Variants in BNIP3L observed in about 807,000 individuals in gnomAD.
The protein encoded by BNIP3L is BCL2 interacting protein 3 like.
A neutral mutation model predicts 25.5 loss-of-function variants in BNIP3L; 10 were observed. The ratio of observed to expected loss-of-function variants is 0.39; its 90% CI spans 0.24 to 0.67. BNIP3L has a LOEUF of 0.67. Among genes scored for constraint, BNIP3L ranks in the 30% least tolerant of loss-of-function variants. The pLI, the probability that BNIP3L is intolerant of heterozygous loss-of-function variation, is 0.45. For missense variants in BNIP3L, 215 were observed against 270.9 expected, an observed-to-expected ratio of 0.79 and a Z score of 1.45; for synonymous variants, 113 against 101.2, an observed-to-expected ratio of 1.12 and a Z score of -0.70.
rs778003300 is a variant in BNIP3L, at chr8:26,411,066, A to G, written c.*654A>G. 9 of 152,600 alleles carry G rather than the reference A, an allele frequency of 5.9e-5. No individual in the cohort carries two copies. Among genetic ancestry groups the G allele is most frequent in the Admixed American group, 3.3e-4 (5 of 15,290 alleles). The allele number at this position is 152,600 out of a possible 1,614,324, so 9.5% of individuals were successfully genotyped here. On this transcript the variant is annotated 3_prime_UTR_variant, in exon 6 of 6. Transcript: ENST00000380629. ...TTATAGGAGGCAAACTGTATAAATGATAGGTATGAAATAGAATAAGAAGTA... is the reference window on the plus strand; with the variant it reads ...TTATAGGAGGCAAACTGTATAAATGGTAGGTATGAAATAGAATAAGAAGTA...
At chr8:26,408,152 G>C (rs138001749) in intron 4 of BNIP3L, 49 bp downstream of exon 4, 28 of 1,610,862 alleles carry the variant, frequency 1.7e-5, no homozygotes, top group Non-Finnish European at 2.3e-5. Flanking sequence ...ATCTGCGCAC[G>C]CTTACAGGCA....
At position 26,408,332 on chromosome 8, in the gene BNIP3L, C is replaced by T. The variant is rs1806545088; in HGVS notation, c.567C>T (p.Phe189=). Residue 189 remains phenylalanine, a synonymous_variant, in exon 5 of 6, where the codon TTC becomes TTT. Transcript: ENST00000380629. ...TCTCCGCAGAATTTCTGAAGGTGTTCATTCCATCTCTCTTCCTTTCTCATG... is the reference window on the plus strand; with the variant it reads ...TCTCCGCAGAATTTCTGAAGGTGTTTATTCCATCTCTCTTCCTTTCTCATG... ...GIFSAEFLKV[F]IPSLFLSHVL... is the part of the protein sequence containing the mutation. The T allele has an allele frequency of 6.2e-7, 1 of 1,614,024 alleles. No homozygotes were observed. The highest frequency in any genetic ancestry group is 1.3e-5 in the African/African-American group (1 of 74,906).
chr8:26,407,618 G>A (rs761072328), intron 3 of BNIP3L, among the ~76,000 whole-genome samples: 4 of 152,164 alleles, frequency 2.6e-5, no homozygotes, highest in Non-Finnish European at 5.9e-5. Flanking sequence ...ATGAGCCACT[G>A]CACCCGGCCT....
intron 1 of BNIP3L, among the ~76,000 whole-genome samples, chr8:26,383,737 AG>A (rs1433399163): frequency 6.6e-6 from 1 of 151,476 alleles, no homozygotes; most frequent in East Asian, 1.9e-4. Context: ...CGGGCGCGGG[AG>A]CCCCCCAGCG....
chr8:26,407,397 A>G (rs1806525532), intron 3 of BNIP3L, among the ~76,000 whole-genome samples: 1 of 151,992 alleles, frequency 6.6e-6, no homozygotes, highest in South Asian at 2.1e-4. Flanking sequence ...TGTGTTAGCC[A>G]GGATGGTCTC....
chr8:26,395,370 G>A, intron 3 of BNIP3L, 68 bp downstream of exon 3: 13 of 1,520,272 alleles, frequency 8.6e-6, no homozygotes, highest in South Asian at 1.2e-5. Flanking sequence ...AGTATATTTT[G>A]CTAAAATAAA....
chr8:26,412,594 G>T lies in BNIP3L; in HGVS notation c.*2182G>T, dbSNP rs758204368. The T allele has an allele frequency of 6.6e-6, 1 of 152,472 alleles. No individual in the cohort carries two copies. The highest frequency in any genetic ancestry group is 1.5e-5 in the Non-Finnish European group (1 of 68,030). 9.4% of individuals were successfully genotyped at this position (152,472 alleles called of 1,614,324 possible). A position where few individuals can be genotyped will look rare whatever the true frequency, so the allele number is the denominator to read the frequency against. ...AAAACGTGAATACATCATCACAGTA[G>T]AATTTATTATGAGAGCATGTAGTAT... On this transcript the variant is annotated 3_prime_UTR_variant, in exon 6 of 6. Coordinates refer to ENST00000380629, the MANE Select transcript of BNIP3L (RefSeq NM_004331.3).
At chr8:26,383,528 G>T in intron 1 of BNIP3L, 1 of 231,684 alleles carries the variant, frequency 4.3e-6, no homozygotes, top group Non-Finnish European at 7.4e-6. Context: ...AGCGGAGCCG[G>T]GCGGGGCGGG....
intron 3 of BNIP3L, among the ~76,000 whole-genome samples, chr8:26,398,727 C>A: frequency 8.5e-6 from 1 of 117,032 alleles, no homozygotes; most frequent in Non-Finnish European, 1.8e-5. Flanking sequence ...AGACCGCTAG[C>A]AAGACTAATA....
At chr8:26,387,470 C>T (rs186384100) in intron 1 of BNIP3L, among the ~76,000 whole-genome samples, 1 of 152,298 alleles carries the variant, frequency 6.6e-6, no homozygotes, top group African/African-American at 2.4e-5. Flanking sequence ...GTTGCTTGGA[C>T]AGCACAAACC....
intron 3 of BNIP3L, among the ~76,000 whole-genome samples, chr8:26,406,123 G>T (rs549535341): frequency 7.2e-5 from 11 of 152,190 alleles, no homozygotes; most frequent in South Asian, 6.2e-4. Context: ...TCTATTAAAA[G>T]GGGAGCTATT....
At chr8:26,405,653 A>C (rs889027389) in intron 3 of BNIP3L, among the ~76,000 whole-genome samples, 3 of 152,292 alleles carry the variant, frequency 2.0e-5, no homozygotes, top group African/African-American at 4.8e-5. Flanking sequence ...AGCTTTGGTC[A>C]TTCTTTTGAG....
intron 1 of BNIP3L, among the ~76,000 whole-genome samples, chr8:26,384,166 C>T (rs1052518983): frequency 2.6e-5 from 4 of 152,180 alleles, no homozygotes; most frequent in Admixed American, 2.6e-4. Context: ...GGGTTCTTGC[C>T]TAACCTTTCT....
intron 3 of BNIP3L, among the ~76,000 whole-genome samples, chr8:26,403,924 T>C (rs1328165143): frequency 6.6e-6 from 1 of 152,198 alleles, no homozygotes; most frequent in Non-Finnish European, 1.5e-5. Flanking sequence ...ACTAATTACT[T>C]ATCTAAGATC....
intron 3 of BNIP3L, among the ~76,000 whole-genome samples, chr8:26,401,545 A>G (rs1205313949): frequency 1.3e-5 from 2 of 148,528 alleles, no homozygotes; most frequent in Non-Finnish European, 3.0e-5. Flanking sequence ...GTGCACATGT[A>G]CCCTAAAACT....
chr8:26,391,547 G>T, intron 2 of BNIP3L, 121 bp downstream of exon 2: 1 of 795,792 alleles, frequency 1.3e-6, no homozygotes, highest in Non-Finnish European at 1.9e-6. Context: ...CTGATATATT[G>T]TAGTATAATA....
At chr8:26,387,850 A>G (rs759795726) in intron 1 of BNIP3L, among the ~76,000 whole-genome samples, 3 of 152,244 alleles carry the variant, frequency 2.0e-5, no homozygotes, top group Non-Finnish European at 4.4e-5. Context: ...ACAAAGTATT[A>G]GAAACAACCA....
At chr8:26,399,840 A>G (rs1806328631) in intron 3 of BNIP3L, among the ~76,000 whole-genome samples, 1 of 88,828 alleles carries the variant, frequency 1.1e-5, no homozygotes, top group Non-Finnish European at 2.3e-5. Flanking sequence ...TAAAATACCT[A>G]GGAATCCAAC....
intron 1 of BNIP3L, chr8:26,383,463 T>G: frequency 1.6e-6 from 2 of 1,275,962 alleles, no homozygotes; most frequent in Non-Finnish European, 2.0e-6. Flanking sequence ...GGGCTCGCGG[T>G]CCGGGAGCGG....
Sources: allele counts gnomAD v4.1 joint callset (sites outside exome capture counted in the v4.1 genomes callset), GRCh38; gene constraint gnomAD v4.1.1; transcripts MANE v1.5; gene names NCBI Gene and HGNC (gene_info 2026-07-23, HGNC 2026-07-21).